The following C8orf34 variants were observed in gnomAD, a reference collection of about 807,000 sequenced individuals.
C8orf34 encodes chromosome 8 open reading frame 34.
A neutral mutation model predicts 68.3 loss-of-function variants in C8orf34; 65 were observed. The observed-to-expected ratio is 0.95, with a 90% CI of 0.78 to 1.17. C8orf34 has a LOEUF of 1.17. Among genes scored for constraint, C8orf34 ranks in the 50% most tolerant of loss-of-function variants. The pLI is 0.00. For missense variants in C8orf34, 664 were observed against 655.4 expected, an observed-to-expected ratio of 1.01 and a Z score of -0.14; for synonymous variants, 244 against 241.2, an observed-to-expected ratio of 1.01 and a Z score of -0.11.
At chr8:68,550,598 C>T (rs1816032565) in intron 7 of C8orf34, among the ~76,000 whole-genome samples, 2 of 151,706 alleles carry the variant, frequency 1.3e-5, no homozygotes, top group African/African-American at 4.8e-5. Flanking sequence ...AGTTTCTGAC[C>T]TACATCATTT....
At chr8:68,570,932 C>G (rs1816742864) in intron 7 of C8orf34, among the ~76,000 whole-genome samples, 1 of 152,134 alleles carries the variant, frequency 6.6e-6, no homozygotes, top group Admixed American at 6.6e-5. Context: ...TGTTAAGGGT[C>G]TGGTACAGAC....
intron 1 of C8orf34, among the ~76,000 whole-genome samples, chr8:68,418,635 A>G (rs1201758139): frequency 6.6e-6 from 1 of 152,214 alleles, no homozygotes. Flanking sequence ...AAACAGAGAT[A>G]TAGATCAACG....
intron 1 of C8orf34, among the ~76,000 whole-genome samples, chr8:68,385,799 A>G (rs1808234137): frequency 6.6e-6 from 1 of 152,232 alleles, no homozygotes; most frequent in Non-Finnish European, 1.5e-5. Flanking sequence ...GATGATTGGT[A>G]TGAGCCTGGA....
chr8:68,375,854 G>T (rs921734142), intron 1 of C8orf34, among the ~76,000 whole-genome samples: 1 of 152,178 alleles, frequency 6.6e-6, no homozygotes, highest in East Asian at 1.9e-4. Flanking sequence ...GATGCATATT[G>T]CAGTGAAGCC....
rs191956477 is a variant in C8orf34 at position 68,741,014 on chromosome 8, A to G, written c.1404+19577A>G. On this transcript the variant is annotated intron_variant, in intron 10 of 13. Coordinates refer to ENST00000518698, the MANE Select transcript of C8orf34 (RefSeq NM_052958.4). ...AAATATTGTGTGTTCTCACTTATAA[A>G]TGGGAGCTAAATGATGAGAAGACAT... is the stretch of plus-strand genomic sequence containing the variant. 1.3e-5 allele frequency among the ~76,000 whole-genome samples: 2 copies of G among 152,156 alleles called. 1 individual carries two copies. Among genetic ancestry groups the G allele is most frequent in the Non-Finnish European group, 2.9e-5 (2 of 67,988 alleles).
chr8:68,442,149 T>A (rs1344339234), intron 2 of C8orf34, among the ~76,000 whole-genome samples: 1 of 152,086 alleles, frequency 6.6e-6, no homozygotes, highest in East Asian at 1.9e-4. Context: ...AAATTTTGTC[T>A]ATTTATTATG....
chr8:68,537,409 T>C (rs542342128), intron 7 of C8orf34, among the ~76,000 whole-genome samples: 3 of 152,130 alleles, frequency 2.0e-5, no homozygotes, highest in South Asian at 2.1e-4. Flanking sequence ...TTAAAATGAA[T>C]GTTCTTCATA....
At chr8:68,362,592 C>G (rs903726267) in intron 1 of C8orf34, among the ~76,000 whole-genome samples, 1 of 152,252 alleles carries the variant, frequency 6.6e-6, no homozygotes, top group Non-Finnish European at 1.5e-5. Context: ...GGTCCCTGAC[C>G]CCCGAGCAGC....
intron 1 of C8orf34, among the ~76,000 whole-genome samples, chr8:68,410,388 A>T (rs1348442180): frequency 6.6e-6 from 1 of 152,254 alleles, no homozygotes; most frequent in Non-Finnish European, 1.5e-5. Flanking sequence ...ACAGTATTAT[A>T]TCTATTTACA....
At chr8:68,498,064 G>T (rs1466988620) in intron 5 of C8orf34, among the ~76,000 whole-genome samples, 1 of 152,180 alleles carries the variant, frequency 6.6e-6, no homozygotes, top group African/African-American at 2.4e-5. Flanking sequence ...CCGACCGCAG[G>T]TGATCCACCT....
rs182992147 is a variant in C8orf34, at chr8:68,644,930, C to A, written c.1241+4419C>A. 2.0e-5 allele frequency among the ~76,000 whole-genome samples: 3 copies of A among 152,280 alleles called. No homozygotes were observed. The East Asian group carries it at 5.8e-4, about 29-fold the overall frequency. ...GGAAGACGCAGATGAGAGGAGAATG[C>A]AGAATTCATAGAGCAAAACCATACA... On this transcript the variant is annotated intron_variant, in intron 8 of 13. Coordinates refer to ENST00000518698, the MANE Select transcript of C8orf34 (RefSeq NM_052958.4).
chr8:68,550,341 G>A (rs1816023913), intron 7 of C8orf34, among the ~76,000 whole-genome samples: 1 of 151,422 alleles, frequency 6.6e-6, no homozygotes, highest in Non-Finnish European at 1.5e-5. Flanking sequence ...ATACTATATT[G>A]CTTCATGGGT....
At chr8:68,607,791 A>G (rs1817898544) in intron 7 of C8orf34, among the ~76,000 whole-genome samples, 1 of 152,154 alleles carries the variant, frequency 6.6e-6, no homozygotes, top group South Asian at 2.1e-4. Context: ...TTTTGTCATC[A>G]ACAAGAGCAA....
At chr8:68,726,138 GC>G (rs1400744500) in intron 10 of C8orf34, among the ~76,000 whole-genome samples, 1 of 152,032 alleles carries the variant, frequency 6.6e-6, no homozygotes, top group Non-Finnish European at 1.5e-5. Context: ...TAAACTCCTA[GC>G]CTCAAGTGAT....
At chr8:68,470,081 A>G (rs1182017258) in intron 4 of C8orf34, among the ~76,000 whole-genome samples, 2 of 151,822 alleles carry the variant, frequency 1.3e-5, no homozygotes, top group Non-Finnish European at 2.9e-5. Context: ...CATTAGTAAA[A>G]ACCCTCTGAA....
chr8:68,641,740 A>G (rs1324918838), intron 8 of C8orf34, among the ~76,000 whole-genome samples: 1 of 152,206 alleles, frequency 6.6e-6, no homozygotes, highest in South Asian at 2.1e-4. Context: ...AGTTTATAAA[A>G]AATGTTTTTC....
intron 7 of C8orf34, among the ~76,000 whole-genome samples, chr8:68,578,078 A>C (rs1382196799): frequency 6.6e-6 from 1 of 151,982 alleles, no homozygotes; most frequent in Non-Finnish European, 1.5e-5. Context: ...GAAGTAGGTA[A>C]AAAAATAAAG....
intron 3 of C8orf34, among the ~76,000 whole-genome samples, chr8:68,467,423 C>T (rs1285890465): frequency 6.6e-6 from 1 of 151,776 alleles, no homozygotes; most frequent in East Asian, 1.9e-4. Context: ...GTAAACTTAA[C>T]TTCTATTTTA....
At chr8:68,391,313 A>C (rs1026326035) in intron 1 of C8orf34, among the ~76,000 whole-genome samples, 1 of 152,156 alleles carries the variant, frequency 6.6e-6, no homozygotes, top group Non-Finnish European at 1.5e-5. Flanking sequence ...GTGTAGGACA[A>C]CCAGAGTTCT....
Sources: allele counts gnomAD v4.1 joint callset (sites outside exome capture counted in the v4.1 genomes callset), GRCh38; gene constraint gnomAD v4.1.1; transcripts MANE v1.5; gene names NCBI Gene and HGNC (gene_info 2026-07-23, HGNC 2026-07-21).